THRB: variants seen among roughly 807,000 people sequenced by gnomAD.
The protein encoded by THRB is thyroid hormone receptor beta, also known as nuclear receptor subfamily 1 group A member 2.
THRB carries 12 observed loss-of-function variants against 47.8 expected under a neutral mutation model. That is an observed-to-expected ratio of 0.25 (90% CI 0.16 to 0.41). THRB has a LOEUF of 0.41. Among genes scored for constraint, THRB ranks in the 10% least tolerant of loss-of-function variants. The pLI is 1.00. For missense variants in THRB, 348 were observed against 589.2 expected (o/e 0.59, Z 4.24); for synonymous variants, 218 against 212.2 (o/e 1.03, Z -0.24).
rs774395955 is a variant in THRB at position 24,429,554 on chromosome 3, T to A, written c.-261+65098A>T. On this transcript the variant is annotated intron_variant, in intron 1 of 10. Coordinates refer to ENST00000646209, the MANE Select transcript of THRB (RefSeq NM_001354712.2). Reference sequence around the variant, plus strand: ...GAGCTCTGTCCTGTCAAAAAATTTATTGATTTGGGTGAAGACGAGAGAATT... The same window carrying A: ...GAGCTCTGTCCTGTCAAAAAATTTAATGATTTGGGTGAAGACGAGAGAATT... Among the ~76,000 whole-genome samples, 51 of 152,062 alleles carry A rather than the reference T, an allele frequency of 3.4e-4. 1 individual carries two copies. The highest frequency in any genetic ancestry group is 1.2e-4 in the Non-Finnish European group (8 of 67,974).
At chr3:24,233,548 A>G (rs2048468838) in intron 3 of THRB, among the ~76,000 whole-genome samples, 1 of 110,500 alleles carries the variant, frequency 9.0e-6, no homozygotes, top group Non-Finnish European at 1.9e-5. Flanking sequence ...AGAAAGAGAA[A>G]GAAAGAAAAA....
At chr3:24,313,649 A>G (rs2057911483) in intron 2 of THRB, among the ~76,000 whole-genome samples, 1 of 152,188 alleles carries the variant, frequency 6.6e-6, no homozygotes, top group Non-Finnish European at 1.5e-5. Flanking sequence ...ATTATTAAGT[A>G]TTACCTTAAA....
intron 5 of THRB, among the ~76,000 whole-genome samples, chr3:24,174,370 A>C (rs2040857676): frequency 6.6e-6 from 1 of 152,160 alleles, no homozygotes; most frequent in Non-Finnish European, 1.5e-5. Flanking sequence ...CTATGCTGTT[A>C]CTATTTTAAT....
At chr3:24,444,365 C>G (rs1652841037) in intron 1 of THRB, among the ~76,000 whole-genome samples, 2 of 152,026 alleles carry the variant, frequency 1.3e-5, no homozygotes, top group Non-Finnish European at 2.9e-5. Flanking sequence ...TTTCATATAA[C>G]AGTAACCACC....
intron 1 of THRB, among the ~76,000 whole-genome samples, chr3:24,451,359 G>A (rs373581437): frequency 1.2e-4 from 18 of 148,742 alleles, no homozygotes; most frequent in African/African-American, 3.0e-4. Context: ...TCAGCCTCCC[G>A]AGTAGCTGGG....
Position 24,454,244 on chromosome 3 carries a change from A to G in THRB, c.-261+40408T>C, listed in dbSNP as rs1560224451. On this transcript the variant is annotated intron_variant, in intron 1 of 10. Transcript: ENST00000646209. Reference sequence around the variant, plus strand: ...TTGAAAACATTATGCTTAGTGAAAGAAATCAGTCACAAAAAGTCAAACATA... The same window carrying G: ...TTGAAAACATTATGCTTAGTGAAAGGAATCAGTCACAAAAAGTCAAACATA... Among the ~76,000 whole-genome samples, 3 of 152,258 alleles carry G rather than the reference A, an allele frequency of 2.0e-5. No individual in the cohort carries two copies. The South Asian group carries it at 6.2e-4, about 32-fold the overall frequency.
At chr3:24,347,937 T>A (rs1021969892) in intron 1 of THRB, among the ~76,000 whole-genome samples, 1 of 152,170 alleles carries the variant, frequency 6.6e-6, no homozygotes, top group Non-Finnish European at 1.5e-5. Flanking sequence ...TCATTCAGGT[T>A]ATAGAAGAAG....
At chr3:24,440,973 T>C (rs1004062155) in intron 1 of THRB, among the ~76,000 whole-genome samples, 1 of 152,194 alleles carries the variant, frequency 6.6e-6, no homozygotes, top group Non-Finnish European at 1.5e-5. Context: ...GTTCAGGATC[T>C]CACCAGGCTG....
intron 1 of THRB, among the ~76,000 whole-genome samples, chr3:24,400,749 G>C (rs1342851485): frequency 6.6e-6 from 1 of 151,974 alleles, no homozygotes; most frequent in African/African-American, 2.4e-5. Flanking sequence ...TAAATGGCTA[G>C]ATCAGATGCT....
At chr3:24,273,918 G>T (rs1428607253) in intron 3 of THRB, among the ~76,000 whole-genome samples, 9 of 152,036 alleles carry the variant, frequency 5.9e-5, no homozygotes, top group Admixed American at 5.9e-4. Context: ...TCTCAGAAAG[G>T]CCTATCCTTT....
At chr3:24,428,354 A>G (rs1315377674) in intron 1 of THRB, among the ~76,000 whole-genome samples, 2 of 152,032 alleles carry the variant, frequency 1.3e-5, no homozygotes, top group South Asian at 2.1e-4. Context: ...GATTGGCTAA[A>G]GAATGTTCTT....
At position 24,143,713 on chromosome 3, in the gene THRB, G is replaced by C; in HGVS notation, c.533-7C>G. 3 of 1,614,000 alleles carry C rather than the reference G, an allele frequency of 1.9e-6. No individual in the cohort carries two copies. The highest frequency in any genetic ancestry group is 2.5e-6 in the Non-Finnish European group (3 of 1,179,942). On this transcript the variant is annotated splice_region_variant and splice_polypyrimidine_tract_variant and intron_variant, in intron 7 of 10. Transcript: ENST00000646209. ...TTGCTGTCATCCAGCACCACTGGGA[G>C]GGGGAGAAAGATGAGACAAGGCACA...
At chr3:24,161,834 A>T (rs573024434) in intron 5 of THRB, among the ~76,000 whole-genome samples, 1 of 42,790 alleles carries the variant, frequency 2.3e-5, no homozygotes, top group African/African-American at 8.4e-5. Context: ...CCCCACCCCC[A>T]CCCCCACCCC....
At chr3:24,158,613 A>G (rs1264143573) in intron 5 of THRB, among the ~76,000 whole-genome samples, 1 of 152,082 alleles carries the variant, frequency 6.6e-6, no homozygotes, top group African/African-American at 2.4e-5. Flanking sequence ...TATTTTTAGT[A>G]GAGACGGGGT....
At chr3:24,430,631 G>A (rs951765520) in intron 1 of THRB, 35 of 151,968 alleles carry the variant, frequency 2.3e-4, no homozygotes, top group African/African-American at 8.2e-4. Flanking sequence ...AGTACTAAAA[G>A]AAAGAAAGAA....
chr3:24,134,214 TG>T (rs1432486792), intron 8 of THRB, among the ~76,000 whole-genome samples: 1 of 152,066 alleles, frequency 6.6e-6, no homozygotes, highest in Non-Finnish European at 1.5e-5. Flanking sequence ...CCAGACCAGG[TG>T]GTACAGAATC....
chr3:24,257,446 T>C (rs2051417106), intron 3 of THRB, among the ~76,000 whole-genome samples: 2 of 152,160 alleles, frequency 1.3e-5, no homozygotes, highest in South Asian at 2.1e-4. Context: ...TTAAGATCTA[T>C]AGGAAAATAC....
chr3:24,384,392 G>C (rs1276347624), intron 1 of THRB, among the ~76,000 whole-genome samples: 1 of 152,064 alleles, frequency 6.6e-6, no homozygotes, highest in Non-Finnish European at 1.5e-5. Flanking sequence ...AGAACTTCTG[G>C]AGACGAAGAT....
chr3:24,306,954 A>G (rs193274222), intron 2 of THRB, among the ~76,000 whole-genome samples: 2 of 152,300 alleles, frequency 1.3e-5, no homozygotes, highest in East Asian at 1.9e-4. Context: ...AAAAAAAGTC[A>G]TATTTTAAAA....
Sources: gnomAD v4.1 joint callset for allele counts (sites outside exome capture counted in the v4.1 genomes callset) on GRCh38, gnomAD v4.1.1 for gene constraint, MANE v1.5 for transcripts, NCBI Gene and HGNC (gene_info 2026-07-23, HGNC 2026-07-21) for gene names.